SLC35F5: variants seen among roughly 807,000 people sequenced by gnomAD.
The protein encoded by SLC35F5 is solute carrier family 35 member F5.
A neutral mutation model predicts 68.6 loss-of-function variants in SLC35F5; 54 were observed. That is an observed-to-expected ratio of 0.79 (90% CI 0.63 to 0.99). The LOEUF (loss-of-function observed/expected upper bound fraction) is 0.99. Among genes scored for constraint, SLC35F5 ranks in the 50% least tolerant of loss-of-function variants. The probability of loss-of-function intolerance (pLI) is 0.00; values close to 1 mark genes in which losing one functional copy is unlikely to be tolerated. For missense variants in SLC35F5, 567 were observed against 626.9 expected, an observed-to-expected ratio of 0.90 and a Z score of 1.02; for synonymous variants, 211 against 205.2, an observed-to-expected ratio of 1.03 and a Z score of -0.24.
In SLC35F5 at chr2:113,708,134, G is replaced by T. The variant is rs1163270187; in HGVS notation, c.*7084C>A. Among the ~76,000 whole-genome samples the T allele has an allele frequency of 1.3e-5, 2 of 152,130 alleles. No individual in the cohort carries two copies. The highest frequency in any genetic ancestry group is 4.8e-5 in the African/African-American group (2 of 41,418). On this transcript the variant is annotated 3_prime_UTR_variant, in exon 16 of 16. Coordinates refer to ENST00000245680, the MANE Select transcript of SLC35F5 (RefSeq NM_025181.5). ...GGGCACCCCACAGTCAGCAGTTTAA[G>T]ACCATTCTGGATGAATGCAAATGCT...
intron 4 of SLC35F5, 137 bp from the exon 5 acceptor site, chr2:113,746,476 C>A: frequency 1.6e-6 from 1 of 637,330 alleles, no homozygotes; most frequent in Non-Finnish European, 2.8e-6. Context: ...ATAATAATAG[C>A]AGCTAATGCC....
At position 113,755,583 on chromosome 2, in the gene SLC35F5, T is replaced by C. The variant is rs962508790; in HGVS notation, c.41-39A>G. ...TGAAATTATGCTATGAAAACGTGAA[T>C]AACTCAAGGTAAGATTCATCACATC... is the stretch of plus-strand genomic sequence containing the variant. On this transcript the variant is annotated intron_variant, in intron 1 of 15. Transcript: ENST00000245680. The C allele has an allele frequency of 1.9e-6, 3 of 1,541,440 alleles. No individual in the cohort carries two copies. In the African/African-American group the frequency reaches 4.1e-5, roughly 21 times the overall value.
At chr2:113,704,351 C>T (rs1375359522), downstream of SLC35F5, among the ~76,000 whole-genome samples, 1 of 152,232 alleles carries the variant, frequency 6.6e-6, no homozygotes, top group Non-Finnish European at 1.5e-5. Flanking sequence ...AGGAGCCCAG[C>T]CGGCTTCACC....
Position 113,710,252 on chromosome 2 carries a change from T to C in SLC35F5, c.*4966A>G, listed in dbSNP as rs1252132901. 6.6e-6 allele frequency among the ~76,000 whole-genome samples: 1 copy of C among 152,240 alleles called. No homozygotes were observed. Among genetic ancestry groups the C allele is most frequent in the Non-Finnish European group, 1.5e-5 (1 of 68,048 alleles). Reference sequence around the variant, plus strand: ...AAAATATATATATAACTTAACACTATGCTACTACAAAGGGCAAAATAATTC... The same window carrying C: ...AAAATATATATATAACTTAACACTACGCTACTACAAAGGGCAAAATAATTC... On this transcript the variant is annotated 3_prime_UTR_variant, in exon 16 of 16. Transcript: ENST00000245680.
chr2:113,725,666 T>C, intron 11 of SLC35F5, 129 bp from the exon 12 acceptor site: 2 of 803,484 alleles, frequency 2.5e-6, no homozygotes, highest in South Asian at 2.0e-5. Context: ...AAAACTTCTG[T>C]TGGTTTGTTT....
chr2:113,727,724 C>T (rs894079729), intron 11 of SLC35F5, among the ~76,000 whole-genome samples: 1 of 152,044 alleles, frequency 6.6e-6, no homozygotes, highest in Non-Finnish European at 1.5e-5. Flanking sequence ...CCTAACTTCT[C>T]CGAATCCTGT....
At chr2:113,755,730 T>C (rs1372995876) in intron 1 of SLC35F5, 186 bp from the exon 2 acceptor site, 10 of 1,076,168 alleles carry the variant, frequency 9.3e-6, no homozygotes, top group East Asian at 2.6e-5. Flanking sequence ...AGATTATACT[T>C]AGAGAGATAC....
Position 113,723,090 on chromosome 2 carries a change from A to T in SLC35F5, c.1341+14T>A. ...ACACCTAAAATATCTATGAATAATA[A>T]ATAGTTTCCTTACCTTTTGCATACA... On this transcript the variant is annotated intron_variant, in intron 13 of 15. Transcript: ENST00000245680. 6.6e-7 allele frequency: 1 copy of T among 1,514,030 alleles called. No individual in the cohort carries two copies. The allele number at this position is 1,514,030 out of a possible 1,614,324, so 93.8% of individuals were successfully genotyped here. A position where few individuals can be genotyped will look rare whatever the true frequency, so the allele number is the denominator to read the frequency against.
intron 15 of SLC35F5, among the ~76,000 whole-genome samples, chr2:113,716,996 A>G (rs927397602): frequency 6.6e-6 from 1 of 152,212 alleles, no homozygotes; most frequent in Non-Finnish European, 1.5e-5. Flanking sequence ...AGTAGCAATC[A>G]AGAAACACTT....
chr2:113,718,925 GAA>G (rs377141920), intron 14 of SLC35F5, among the ~76,000 whole-genome samples: 4,329 of 56,704 alleles, frequency 0.076, 126 homozygotes, highest in Middle Eastern at 0.096. Context: ...AAGAAAGAAA[GAA>G]AAAGAAAGGA....
At chr2:113,748,086 T>A (rs2104476872) in intron 4 of SLC35F5, among the ~76,000 whole-genome samples, 1 of 152,294 alleles carries the variant, frequency 6.6e-6, no homozygotes, top group East Asian at 1.9e-4. Context: ...AGTGAGACTC[T>A]GTCTCAACAA....
Position 113,756,402 on chromosome 2 carries a change from G to C in SLC35F5, c.8C>G (p.Pro3Arg), listed in dbSNP as rs993440126. The C allele has an allele frequency of 2.6e-6, 4 of 1,560,630 alleles. No homozygotes were observed. In the Admixed American group the frequency reaches 7.5e-5, roughly 29 times the overall value. MV[P>R]PRRHRGAGRP... ...TCCTGCCCCGCGATGGCGTCGTGGC[G>C]GCACCATGAGCGGACCGGTCAGGCC... Residue 3 changes from proline (P) to arginine (R), a missense_variant, in exon 1 of 16, where the codon CCG becomes CGG. Physicochemically the swap from Pro to Arg is moderately radical, Grantham distance 103. Coordinates refer to ENST00000245680, the MANE Select transcript of SLC35F5 (RefSeq NM_025181.5).
intron 9 of SLC35F5, 101 bp from the exon 10 acceptor site, chr2:113,731,749 T>C (rs1687905104): frequency 5.9e-6 from 5 of 853,900 alleles, no homozygotes; most frequent in Non-Finnish European, 9.6e-6. Flanking sequence ...ATCTCAACTT[T>C]GGGTAAAACT....
At chr2:113,729,330 T>C (rs4849269) in intron 11 of SLC35F5, 71 bp downstream of exon 11, 407,157 of 803,724 alleles carry the variant, frequency 0.51, 107,787 homozygotes, top group Middle Eastern at 0.61. Flanking sequence ...CTATTCCCTC[T>C]GAAAAACAAA....
At chr2:113,706,521 G>C (rs766814651), downstream of SLC35F5, among the ~76,000 whole-genome samples, 80 of 152,246 alleles carry the variant, frequency 5.3e-4, no homozygotes, top group African/African-American at 1.2e-3. Context: ...ATGGAATGTA[G>C]GTCTCTTATT....
chr2:113,703,289 G>A (rs1014590001), downstream of SLC35F5, among the ~76,000 whole-genome samples: 2 of 151,958 alleles, frequency 1.3e-5, no homozygotes, highest in Non-Finnish European at 2.9e-5. Context: ...CACGACTCAC[G>A]AGTTACAACC....
At chr2:113,748,777 A>G (rs1297442143) in intron 4 of SLC35F5, among the ~76,000 whole-genome samples, 1 of 152,142 alleles carries the variant, frequency 6.6e-6, no homozygotes, top group Non-Finnish European at 1.5e-5. Flanking sequence ...TGCAGGCTTC[A>G]CCTACATTTA....
chr2:113,703,115 AAT>A (rs1491576756), downstream of SLC35F5, among the ~76,000 whole-genome samples: 8 of 141,414 alleles, frequency 5.7e-5, no homozygotes, highest in Non-Finnish European at 4.8e-5. Context: ...ATCTCAAAAA[AAT>A]AAATAAATAA....
At chr2:113,744,391 T>G (rs1250745010) in intron 5 of SLC35F5, among the ~76,000 whole-genome samples, 1 of 152,226 alleles carries the variant, frequency 6.6e-6, no homozygotes, top group Non-Finnish European at 1.5e-5. Context: ...CAGTTCTTAC[T>G]GTGTATTGAG....
Sources: allele counts gnomAD v4.1 joint callset (sites outside exome capture counted in the v4.1 genomes callset), GRCh38; gene constraint gnomAD v4.1.1; transcripts MANE v1.5; gene names NCBI Gene and HGNC (gene_info 2026-07-23, HGNC 2026-07-21).